Variants in MAN2C1 observed in about 807,000 individuals in gnomAD.
The protein encoded by MAN2C1 is alpha-mannosidase 2C1.
In MAN2C1, 111 loss-of-function variants were observed where a neutral mutation model predicts 126.9. The ratio of observed to expected loss-of-function variants is 0.87; its 90% CI spans 0.75 to 1.02. The LOEUF (loss-of-function observed/expected upper bound fraction) is 1.02, where lower values mean the gene tolerates loss of function less well. Ranked by LOEUF, MAN2C1 falls within the 50% of genes least tolerant of loss-of-function variation. MAN2C1 has a pLI of 0.00. For missense variants in MAN2C1, 1,363 were observed against 1,364.4 expected (o/e 1.00, Z 0.02); for synonymous variants, 567 against 561.5 (o/e 1.01, Z -0.14).
At chr15:75,364,433 CCTT>C in intron 5 of MAN2C1, 52 bp downstream of exon 5, 1 of 1,475,558 alleles carries the variant, frequency 6.8e-7, no homozygotes, top group Non-Finnish European at 9.0e-7. Flanking sequence ...CAAAGAACAA[CCTT>C]CTTGGAGCAG....
At chr15:75,367,178 G>A (rs1037388247) in intron 3 of MAN2C1, among the ~76,000 whole-genome samples, 2 of 151,988 alleles carry the variant, frequency 1.3e-5, no homozygotes, top group African/African-American at 2.4e-5. Flanking sequence ...CTACTAGATA[G>A]GAGTATAAGG....
At chr15:75,360,342 C>A in intron 13 of MAN2C1, 131 bp from the exon 14 acceptor site, 1 of 1,399,846 alleles carries the variant, frequency 7.1e-7, no homozygotes, top group Non-Finnish European at 9.7e-7. Context: ...GGCGGGTGAC[C>A]TGCCTTAAAT....
rs749830898 is a variant in MAN2C1, at chr15:75,360,228, A to G, written c.1585-17T>C. The G allele has an allele frequency of 6.2e-7, 1 of 1,605,236 alleles. No individual in the cohort carries two copies. The highest frequency in any genetic ancestry group is 1.1e-5 in the South Asian group (1 of 91,070). On this transcript the variant is annotated splice_polypyrimidine_tract_variant and intron_variant, in intron 13 of 25. Transcript: ENST00000267978. ...CTTCTTGATCTGAGCCCAGGATGGG[A>G]AGATTAGTCTGGAGCCTGCTTAGCT... is the stretch of plus-strand genomic sequence containing the variant.
In MAN2C1 at chr15:75,356,637, G is replaced by T; in HGVS notation, c.2706C>A (p.His902Gln). 1 of 1,569,622 alleles carries T rather than the reference G, an allele frequency of 6.4e-7. No homozygotes were observed. Among genetic ancestry groups the T allele is most frequent in the Non-Finnish European group, 8.6e-7 (1 of 1,157,784 alleles). Reference protein sequence around the residue: ...APDATADTGRHEFTYALMPHK... With the variant: ...APDATADTGRQEFTYALMPHK... ...GCGGCATCAGTGCATAGGTGAACTCGTGGCGCCCCGTGTCAGCAGTAGCGT... is the reference window on the plus strand; with the variant it reads ...GCGGCATCAGTGCATAGGTGAACTCTTGGCGCCCCGTGTCAGCAGTAGCGT... The change falls in exon 23 of 26, where the codon CAC (histidine) becomes CAA (glutamine). Residue 902 changes from histidine (H) to glutamine (Q), a missense_variant. His to Gln is a conservative substitution (Grantham distance 24). Around this residue, in one of 3 missense-constraint regions of MAN2C1, gnomAD observed 668 missense variants for 650.1 expected, o/e 1.03. Coordinates refer to ENST00000267978, the MANE Select transcript of MAN2C1 (RefSeq NM_006715.4). The surrounding 1 kb of genome is among the most constrained non-coding windows in gnomAD (Gnocchi z 5.8).
chr15:75,364,259 G>A, intron 5 of MAN2C1, 71 bp from the exon 6 acceptor site: 1 of 1,489,300 alleles, frequency 6.7e-7, no homozygotes, highest in Non-Finnish European at 8.9e-7. Flanking sequence ...ACTGATCTCA[G>A]GGCTCTCAGC....
intron 3 of MAN2C1, 132 bp downstream of exon 3, chr15:75,367,379 T>C: frequency 8.3e-7 from 1 of 1,200,138 alleles, no homozygotes; most frequent in South Asian, 1.5e-5. Context: ...ACTTCCCTAG[T>C]CCTGAAATCC....
chr15:75,367,580 G>A lies in MAN2C1; in HGVS notation c.282C>T (p.Gly94=). The change falls in exon 3 of 26, where the codon GGC becomes GGT. Residue 94 remains glycine, a synonymous_variant. Transcript: ENST00000267978. ...TTTCCCAGCAAAGGTGAACTTCCTG[G>A]CCCACCCATGCCTCTGGGATGGTCA... ...VELTIPEAWV[G]QEVHLCWESD... The A allele has an allele frequency of 6.2e-7, 1 of 1,614,138 alleles. No homozygotes were observed. The highest frequency in any genetic ancestry group is 8.5e-7 in the Non-Finnish European group (1 of 1,180,014).
chr15:75,368,124 GCCT>G lies in MAN2C1; in HGVS notation c.173_175del (p.Glu58del). On this transcript the variant is annotated inframe_deletion, in exon 2 of 26. Coordinates refer to ENST00000267978, the MANE Select transcript of MAN2C1 (RefSeq NM_006715.4). Reference sequence around the variant, plus strand: ...CGCGGGGCGGAAGTCCCGCTGGACTGCCTCCTGGTAGGGAAGTCTCTCCGGCGT... The same window carrying G: ...CGCGGGGCGGAAGTCCCGCTGGACTGCCTGGTAGGGAAGTCTCTCCGGCGT... 1 of 1,606,808 alleles carries G rather than the reference GCCT, an allele frequency of 6.2e-7. No homozygotes were observed.
chr15:75,366,482 C>CT, intron 4 of MAN2C1, 40 bp downstream of exon 4: 1 of 1,583,124 alleles, frequency 6.3e-7, no homozygotes, highest in Non-Finnish European at 8.7e-7. Context: ...CTGGTACTCC[C>CT]TCCCTGACAG....
intron 2 of MAN2C1, 59 bp downstream of exon 2, chr15:75,368,014 A>T: frequency 3.9e-6 from 6 of 1,535,588 alleles, no homozygotes; most frequent in Non-Finnish European, 5.2e-6. Flanking sequence ...TGTGGCTGGG[A>T]GCTGGGTTGG....
At chr15:75,366,141 A>C in intron 4 of MAN2C1, 1 of 318,626 alleles carries the variant, frequency 3.1e-6, no homozygotes, top group Non-Finnish European at 6.1e-6. Flanking sequence ...TATTCTAGGG[A>C]GTGGAATAAC....
chr15:75,368,444 G>C (rs761757601), intron 1 of MAN2C1, 39 bp downstream of exon 1: 4 of 1,526,464 alleles, frequency 2.6e-6, no homozygotes. Flanking sequence ...TGAGGCGCAC[G>C]GTTGCGGTCG....
intron 4 of MAN2C1, among the ~76,000 whole-genome samples, chr15:75,365,179 C>G (rs891647249): frequency 6.6e-6 from 1 of 152,130 alleles, no homozygotes; most frequent in Admixed American, 6.5e-5. Context: ...GAGCAAATTC[C>G]TCAGTGGAGT....
At chr15:75,360,853 G>C (rs1489557207) in intron 12 of MAN2C1, 165 bp from the exon 13 acceptor site, 2 of 1,163,462 alleles carry the variant, frequency 1.7e-6, no homozygotes, top group Non-Finnish European at 2.4e-6. Context: ...CTCTCTCTCT[G>C]ATGGGCTGGA....
chr15:75,358,426 C>G, intron 20 of MAN2C1, 36 bp downstream of exon 20: 1 of 1,613,114 alleles, frequency 6.2e-7, no homozygotes, highest in Non-Finnish European at 8.5e-7. Context: ...ACCAAGCACA[C>G]TTGGGGAAAA....
chr15:75,363,770 C>T, intron 6 of MAN2C1: 1 of 534,200 alleles, frequency 1.9e-6, no homozygotes, highest in Non-Finnish European at 3.3e-6. Context: ...CACACCATTG[C>T]ACTCCACCCT....
chr15:75,357,108 T>C, intron 21 of MAN2C1: 1 of 584,620 alleles, frequency 1.7e-6, no homozygotes. Context: ...ATAATAGTAC[T>C]CACCCCATCG....
Position 75,362,628 on chromosome 15 carries a change from G to A in MAN2C1, c.897+14C>T. On this transcript the variant is annotated intron_variant, in intron 7 of 25. Transcript: ENST00000267978. The surrounding 1 kb of genome is among the most constrained non-coding windows in gnomAD (Gnocchi z 4.5). ...CCACGTGCTTCCCTCCTCCCTCACA[G>A]CTGTCCCTCTGACCTGGGAGCAGGC... The A allele has an allele frequency of 2.5e-6, 4 of 1,612,834 alleles. No individual in the cohort carries two copies. The highest frequency in any genetic ancestry group is 2.5e-6 in the Non-Finnish European group (3 of 1,179,046).
At chr15:75,366,450 G>T in intron 4 of MAN2C1, 72 bp downstream of exon 4, 1 of 1,292,546 alleles carries the variant, frequency 7.7e-7, no homozygotes. Flanking sequence ...GATCACTCTG[G>T]GCCTCAGCTC....
Sources: allele counts gnomAD v4.1 joint callset (sites outside exome capture counted in the v4.1 genomes callset), GRCh38; gene constraint gnomAD v4.1.1; regional missense constraint gnomAD v4.1.1; non-coding constraint Gnocchi (gnomAD v3.1); transcripts MANE v1.5; gene names NCBI Gene and HGNC (gene_info 2026-07-23, HGNC 2026-07-21).